Variants in CELF4 observed in about 807,000 individuals in gnomAD.
The protein encoded by CELF4 is CUGBP Elav-like family member 4.
Under a neutral mutation model 59.9 loss-of-function variants are expected in CELF4, and 18 were observed. The ratio of observed to expected loss-of-function variants is 0.30; its 90% CI spans 0.21 to 0.45. CELF4 has a LOEUF of 0.45. CELF4 is among the 20% of genes least tolerant of loss of function. CELF4 has a pLI of 1.00. For missense variants in CELF4, 456 were observed against 689.0 expected (o/e 0.66, Z 3.79); for synonymous variants, 261 against 267.1 (o/e 0.98, Z 0.22).
chr18:37,265,565 G>A (rs528034289), intron 9 of CELF4, among the ~76,000 whole-genome samples: 4 of 152,186 alleles, frequency 2.6e-5, no homozygotes, highest in Admixed American at 6.5e-5. Flanking sequence ...AGGCTGCCAG[G>A]GGGTAGTCCC....
At chr18:37,463,153 C>A (rs1355140976) in intron 2 of CELF4, among the ~76,000 whole-genome samples, 2 of 152,108 alleles carry the variant, frequency 1.3e-5, no homozygotes, top group Non-Finnish European at 2.9e-5. Flanking sequence ...GGAAATGTGG[C>A]GGCCCTAGTT....
At chr18:37,313,070 C>G (rs2096734241) in intron 3 of CELF4, among the ~76,000 whole-genome samples, 1 of 152,302 alleles carries the variant, frequency 6.6e-6, no homozygotes, top group African/African-American at 2.4e-5. Flanking sequence ...CTCTGAGGGG[C>G]AGACTCCTTC....
rs545071824 is a variant in CELF4, at chr18:37,427,520, C to T, written c.369+58005G>A. On this transcript the variant is annotated intron_variant, in intron 2 of 12. Transcript: ENST00000420428. The stretch of plus-strand genomic sequence containing the variant: ...TTGGGCCTGACTCGAGTGTCCTTTC[C>T]GTGGCCTCTGGGGACCCTTACAGCC... Among the ~76,000 whole-genome samples, 107 of 152,216 alleles carry T rather than the reference C, an allele frequency of 7.0e-4. No homozygotes were observed. In the South Asian group the frequency reaches 0.017, roughly 24 times the overall value.
chr18:37,336,342 C>T (rs1355166180), intron 2 of CELF4, among the ~76,000 whole-genome samples: 2 of 152,196 alleles, frequency 1.3e-5, no homozygotes, highest in African/African-American at 2.4e-5. Flanking sequence ...TACCTCCACG[C>T]CCAGCTAATT....
Position 37,490,599 on chromosome 18 carries a change from C to T in CELF4, c.287-4992G>A, listed in dbSNP as rs189876183. Reference sequence around the variant, plus strand: ...TCCTCTGAGCCGGGGCTGGCTGCTGCGGTGCTGGGAGTTGACACAGGTGCT... The same window carrying T: ...TCCTCTGAGCCGGGGCTGGCTGCTGTGGTGCTGGGAGTTGACACAGGTGCT... On this transcript the variant is annotated intron_variant, in intron 1 of 12. Transcript: ENST00000420428. Among the ~76,000 whole-genome samples, 63 of 152,070 alleles carry T rather than the reference C, an allele frequency of 4.1e-4. 1 individual carries two copies. Among genetic ancestry groups the T allele is most frequent in the Admixed American group, 2.6e-3 (40 of 15,290 alleles).
chr18:37,545,165 C>T (rs1032843054), intron 1 of CELF4, among the ~76,000 whole-genome samples: 6 of 152,244 alleles, frequency 3.9e-5, no homozygotes, highest in Admixed American at 3.9e-4. Context: ...CCAACAGCAG[C>T]TTGCTGCAGA....
intron 2 of CELF4, among the ~76,000 whole-genome samples, chr18:37,394,566 G>C (rs963390766): frequency 1.3e-5 from 2 of 152,206 alleles, no homozygotes; most frequent in Admixed American, 1.3e-4. Context: ...AATGATTTGT[G>C]TCTCTCCCCT....
intron 2 of CELF4, among the ~76,000 whole-genome samples, chr18:37,418,654 T>C (rs2099548441): frequency 6.6e-6 from 1 of 152,252 alleles, no homozygotes; most frequent in Non-Finnish European, 1.5e-5. Flanking sequence ...TACATTTTCC[T>C]CATTTCCAAA....
At chr18:37,362,565 G>T (rs781496630) in intron 2 of CELF4, among the ~76,000 whole-genome samples, 2 of 152,112 alleles carry the variant, frequency 1.3e-5, no homozygotes, top group Admixed American at 1.3e-4. Context: ...GCACCCTTCT[G>T]CCAGGACACA....
intron 2 of CELF4, among the ~76,000 whole-genome samples, chr18:37,349,390 G>A (rs571058313): frequency 2.0e-5 from 3 of 152,344 alleles, no homozygotes; most frequent in African/African-American, 4.8e-5. Flanking sequence ...CTGGAGATGC[G>A]ATGCCTTCCC....
chr18:37,403,653 G>C (rs2099354187), intron 2 of CELF4, among the ~76,000 whole-genome samples: 1 of 152,212 alleles, frequency 6.6e-6, no homozygotes, highest in Non-Finnish European at 1.5e-5. Flanking sequence ...AGGTGGGGCT[G>C]AGAGGGCGTG....
intron 2 of CELF4, among the ~76,000 whole-genome samples, chr18:37,390,573 G>T (rs563601382): frequency 6.6e-6 from 1 of 152,114 alleles, no homozygotes; most frequent in African/African-American, 2.4e-5. Flanking sequence ...CATGTGCTAG[G>T]GTGGAGGGGG....
At chr18:37,491,759 C>T (rs1017621663) in intron 1 of CELF4, among the ~76,000 whole-genome samples, 3 of 152,110 alleles carry the variant, frequency 2.0e-5, no homozygotes, top group African/African-American at 7.2e-5. Flanking sequence ...TGGCGGATGC[C>T]CCTCTCCGAC....
chr18:37,530,288 G>C (rs1011722492), intron 1 of CELF4, among the ~76,000 whole-genome samples: 9 of 152,206 alleles, frequency 5.9e-5, no homozygotes, highest in Admixed American at 2.6e-4. Flanking sequence ...GGAGGAAACT[G>C]AGGCAGAGAG....
chr18:37,316,288 AC>A (rs2096867333), intron 3 of CELF4, among the ~76,000 whole-genome samples: 1 of 152,150 alleles, frequency 6.6e-6, no homozygotes, highest in African/African-American at 2.4e-5. Flanking sequence ...AGCCAGCATC[AC>A]TGGTTAATGA....
intron 2 of CELF4, among the ~76,000 whole-genome samples, chr18:37,446,591 T>C (rs1029166486): frequency 2.8e-4 from 43 of 152,208 alleles, no homozygotes; most frequent in African/African-American, 1.0e-3. Flanking sequence ...GTCCATGTAA[T>C]GCACTGGACA....
chr18:37,523,454 G>T (rs1276460806), intron 1 of CELF4, among the ~76,000 whole-genome samples: 1 of 152,166 alleles, frequency 6.6e-6, no homozygotes, highest in Non-Finnish European at 1.5e-5. Flanking sequence ...CTGGGACCCT[G>T]AGCCACATGC....
At chr18:37,565,285 G>T (rs1427710345) in intron 1 of CELF4, 71 bp downstream of exon 1, 2 of 1,445,458 alleles carry the variant, frequency 1.4e-6, no homozygotes, top group African/African-American at 1.4e-5. Context: ...CTCGTCAGTC[G>T]CCGGCCGGCC....
chr18:37,274,822 C>T lies in CELF4; in HGVS notation c.640G>A (p.Gly214Ser), dbSNP rs1396957788. Reference sequence around the variant, plus strand: ...GCACTCACCGGCATGGTCTGGCTGCCGTGTAGCGCGTTGATGGCGGCCTGC... The same window carrying T: ...GCACTCACCGGCATGGTCTGGCTGCTGTGTAGCGCGTTGATGGCGGCCTGC... ...EAQAAINALH[G>S]SQTMPGASSS... Residue 214 changes from glycine (G) to serine (S), a missense_variant, in exon 5 of 13, where the codon GGC becomes AGC. Transcript: ENST00000420428. The T allele has an allele frequency of 1.9e-6, 3 of 1,604,898 alleles. No individual in the cohort carries two copies. Among genetic ancestry groups the T allele is most frequent in the East Asian group, 2.2e-5 (1 of 44,542 alleles).
Sources: gnomAD v4.1 joint callset for allele counts (sites outside exome capture counted in the v4.1 genomes callset) on GRCh38, gnomAD v4.1.1 for gene constraint, MANE v1.5 for transcripts, NCBI Gene and HGNC (gene_info 2026-07-23, HGNC 2026-07-21) for gene names.